The following MGAT5 variants were observed in gnomAD, a reference collection of about 807,000 sequenced individuals.
The protein encoded by MGAT5 is alpha-1,6-mannosylglycoprotein 6-beta-N-acetylglucosaminyltransferase A.
MGAT5 carries 30 observed loss-of-function variants against 94.3 expected under a neutral mutation model. The ratio of observed to expected loss-of-function variants is 0.32; its 90% confidence interval spans 0.24 to 0.43. The LOEUF is 0.43. MGAT5 is among the 20% of genes least tolerant of loss of function. MGAT5 has a pLI of 1.00. For synonymous variants in MGAT5, 310 were observed against 322.9 expected (o/e 0.96, Z 0.43); for missense variants, 691 against 905.5 (o/e 0.76, Z 3.04).
At chr2:134,448,278 T>A (rs1210599287) in intron 15 of MGAT5, among the ~76,000 whole-genome samples, 1 of 152,002 alleles carries the variant, frequency 6.6e-6, no homozygotes, top group African/African-American at 2.4e-5. Flanking sequence ...GCTCCTCTCT[T>A]CTCCCTCATT....
intron 1 of MGAT5, among the ~76,000 whole-genome samples, chr2:134,193,009 A>C (rs983573359): frequency 2.6e-5 from 4 of 152,130 alleles, no homozygotes; most frequent in Non-Finnish European, 4.4e-5. Flanking sequence ...GTATTTAATA[A>C]ATTTTTTGTG....
chr2:134,217,170 A>T (rs1022398465), intron 1 of MGAT5, among the ~76,000 whole-genome samples: 13 of 151,276 alleles, frequency 8.6e-5, no homozygotes, highest in African/African-American at 3.2e-4. Flanking sequence ...TTCATAACTT[A>T]CGCTATTGCT....
intron 2 of MGAT5, among the ~76,000 whole-genome samples, chr2:134,315,633 A>C (rs1165201150): frequency 6.6e-6 from 1 of 152,342 alleles, no homozygotes; most frequent in East Asian, 1.9e-4. Context: ...AGCAAATGCC[A>C]ACTTTTAAGC....
chr2:134,206,172 T>A (rs1433040662), intron 1 of MGAT5, among the ~76,000 whole-genome samples: 1 of 152,194 alleles, frequency 6.6e-6, no homozygotes, highest in African/African-American at 2.4e-5. Flanking sequence ...TTTTTTCCCC[T>A]AAGCTTTGCT....
At chr2:134,391,553 A>G (rs772932780) in intron 10 of MGAT5, among the ~76,000 whole-genome samples, 2 of 152,190 alleles carry the variant, frequency 1.3e-5, no homozygotes, top group Non-Finnish European at 2.9e-5. Context: ...CCTGGTGGAA[A>G]GAGTGACCTA....
chr2:134,200,477 T>C (rs1201241324), intron 1 of MGAT5, among the ~76,000 whole-genome samples: 1 of 152,220 alleles, frequency 6.6e-6, no homozygotes, highest in Non-Finnish European at 1.5e-5. Flanking sequence ...AAGTCTCTTT[T>C]TCTTCTTTTC....
chr2:134,362,614 T>C (rs1573919798), intron 10 of MGAT5, among the ~76,000 whole-genome samples: 1 of 152,228 alleles, frequency 6.6e-6, no homozygotes, highest in African/African-American at 2.4e-5. Context: ...ATAGTGGCTG[T>C]ACAACAGCCA....
At chr2:134,425,280 G>A (rs936490374) in intron 13 of MGAT5, among the ~76,000 whole-genome samples, 11 of 152,218 alleles carry the variant, frequency 7.2e-5, no homozygotes, top group African/African-American at 2.4e-4. Context: ...TCAGGAGCCA[G>A]AATATGTGTG....
chr2:134,174,845 T>G (rs968321934), intron 1 of MGAT5, among the ~76,000 whole-genome samples: 1 of 152,230 alleles, frequency 6.6e-6, no homozygotes, highest in Non-Finnish European at 1.5e-5. Flanking sequence ...GACCATGGGC[T>G]TTGGCAAGAT....
intron 1 of MGAT5, among the ~76,000 whole-genome samples, chr2:134,206,193 A>G (rs1680014265): frequency 6.6e-6 from 1 of 152,216 alleles, no homozygotes; most frequent in Admixed American, 6.5e-5. Context: ...TTGAATTACT[A>G]TACAGTTTAC....
At chr2:134,249,410 C>T (rs916649372), upstream of MGAT5, among the ~76,000 whole-genome samples, 1 of 152,080 alleles carries the variant, frequency 6.6e-6, no homozygotes, top group African/African-American at 2.4e-5. Flanking sequence ...CTCATTTCCT[C>T]CATTCTCCAT....
At chr2:134,175,986 A>G (rs915307783) in intron 1 of MGAT5, among the ~76,000 whole-genome samples, 2 of 152,122 alleles carry the variant, frequency 1.3e-5, no homozygotes, top group African/African-American at 2.4e-5. Context: ...ATAGCTTACA[A>G]TCATGTTGTT....
intron 1 of MGAT5, among the ~76,000 whole-genome samples, chr2:134,192,475 C>A (rs1045886007): frequency 6.6e-6 from 1 of 152,092 alleles, no homozygotes; most frequent in Non-Finnish European, 1.5e-5. Flanking sequence ...ATCTTGCTAG[C>A]TATATCTTGC....
chr2:134,172,521 G>C, intron 1 of MGAT5, among the ~76,000 whole-genome samples: 1 of 152,070 alleles, frequency 6.6e-6, no homozygotes, highest in South Asian at 2.1e-4. Flanking sequence ...CAAGTAGCTG[G>C]GACTGCAGGT....
intron 1 of MGAT5, among the ~76,000 whole-genome samples, chr2:134,185,382 C>T (rs1276054162): frequency 6.6e-6 from 1 of 152,140 alleles, no homozygotes; most frequent in Non-Finnish European, 1.5e-5. Context: ...GTGTTCGTGT[C>T]TCAGAGAAAA....
At chr2:134,142,238 C>T (rs1319358266) in intron 1 of MGAT5, among the ~76,000 whole-genome samples, 1 of 152,154 alleles carries the variant, frequency 6.6e-6, no homozygotes, top group Non-Finnish European at 1.5e-5. Flanking sequence ...GTGTTGTTGG[C>T]ATTGATGGTG....
intron 2 of MGAT5, among the ~76,000 whole-genome samples, chr2:134,283,896 G>T (rs954326703): frequency 6.6e-6 from 1 of 151,924 alleles, no homozygotes; most frequent in Non-Finnish European, 1.5e-5. Flanking sequence ...TTTGTGACTG[G>T]CTAGCAATTA....
intron 1 of MGAT5, among the ~76,000 whole-genome samples, chr2:134,195,541 C>T (rs1679453230): frequency 6.6e-6 from 1 of 152,134 alleles, no homozygotes; most frequent in Non-Finnish European, 1.5e-5. Context: ...TTTTATCTCC[C>T]ATATCGGCTG....
intron 12 of MGAT5, among the ~76,000 whole-genome samples, chr2:134,418,196 C>T (rs559262937): frequency 6.6e-6 from 1 of 152,280 alleles, no homozygotes; most frequent in African/African-American, 2.4e-5. Context: ...TCAAGAAAAG[C>T]ATTTCATTGT....
Sources: gnomAD v4.1 joint callset for allele counts (sites outside exome capture counted in the v4.1 genomes callset) on GRCh38, gnomAD v4.1.1 for gene constraint, MANE v1.5 for transcripts, NCBI Gene and HGNC (gene_info 2026-07-23, HGNC 2026-07-21) for gene names.